The following PGRMC1 variants were observed in gnomAD, a reference collection of about 807,000 sequenced individuals.
The protein encoded by PGRMC1 is progesterone receptor membrane component 1.
For synonymous variants in PGRMC1, 73 were observed against 77.3 expected (o/e 0.94, Z 0.29); for missense variants, 145 against 169.0 (o/e 0.86, Z 0.79).
rs1277687237 is a variant in PGRMC1 at position 119,244,039 on chromosome X, T to C, written c.*785T>C. ...ATGGTTATTTGGTTATTTTACTCAATTGGTTACTCTCATTTGAAATGAGGG... is the reference window on the plus strand; with the variant it reads ...ATGGTTATTTGGTTATTTTACTCAACTGGTTACTCTCATTTGAAATGAGGG... On this transcript the variant is annotated 3_prime_UTR_variant, in exon 3 of 3. Transcript: ENST00000217971. 2 of 111,995 alleles carry C rather than the reference T, an allele frequency of 1.8e-5. No individual in the cohort carries two copies. The highest frequency in any genetic ancestry group is 3.8e-5 in the Non-Finnish European group (2 of 53,195). 9.2% of individuals were successfully genotyped at this position (111,995 alleles called of 1,213,427 possible).
rs371178216 is a variant in PGRMC1, at chrX:119,243,284, T to C, written c.*30T>C. On this transcript the variant is annotated 3_prime_UTR_variant, in exon 3 of 3. Transcript: ENST00000217971. ...TTCAGTGGAAGTATATCTATTTTTGTATTTTGCAAAATCATTTGTAACAGT... is the reference window on the plus strand; with the variant it reads ...TTCAGTGGAAGTATATCTATTTTTGCATTTTGCAAAATCATTTGTAACAGT... The C allele has an allele frequency of 4.2e-6, 4 of 946,067 alleles. No homozygotes were observed. In the African/African-American group the frequency reaches 5.7e-5, roughly 14 times the overall value. 78.0% of individuals were successfully genotyped at this position (946,067 alleles called of 1,213,427 possible).
Position 119,243,219 on chromosome X carries a change from G to A in PGRMC1, c.553G>A (p.Glu185Lys), listed in dbSNP as rs1283245437. The stretch of plus-strand genomic sequence containing the variant: ...GCCCACTGTGTACTCAGATGAGGAA[G>A]AACCAAAAGATGAGAGTGCCCGGAA... ...EEPTVYSDEE[E>K]PKDESARKND Residue 185 changes from glutamate to lysine, a missense_variant, in exon 3 of 3, where the codon GAA becomes AAA. Glu to Lys is a moderately conservative substitution (Grantham distance 56, BLOSUM62 1). Coordinates refer to ENST00000217971, the MANE Select transcript of PGRMC1 (RefSeq NM_006667.5). The A allele has an allele frequency of 8.3e-7, 1 of 1,200,726 alleles. No individual in the cohort carries two copies. The highest frequency in any genetic ancestry group is 1.8e-5 in the South Asian group (1 of 56,750).
intron 2 of PGRMC1, among the ~76,000 whole-genome samples, chrX:119,242,509 C>T (rs937040291): frequency 1.8e-5 from 2 of 111,372 alleles, no homozygotes; most frequent in Non-Finnish European, 3.8e-5. Context: ...CTGCCCTATA[C>T]ACCACATTGA....
rs1027019129 is a variant in PGRMC1 at position 119,243,367 on chromosome X, A to G, written c.*113A>G. On this transcript the variant is annotated 3_prime_UTR_variant, in exon 3 of 3. Coordinates refer to ENST00000217971, the MANE Select transcript of PGRMC1 (RefSeq NM_006667.5). ...ATTTAGAAAGTTTTGAGCACTTGCTATAAGTTTTTTAATTAACATCACTAG... is the reference window on the plus strand; with the variant it reads ...ATTTAGAAAGTTTTGAGCACTTGCTGTAAGTTTTTTAATTAACATCACTAG... 5.9e-5 allele frequency: 31 copies of G among 523,505 alleles called. No homozygotes were observed. The highest frequency in any genetic ancestry group is 2.9e-4 in the South Asian group (11 of 37,783). 43.1% of individuals were successfully genotyped at this position (523,505 alleles called of 1,213,427 possible).
At chrX:119,237,848 A>G (rs1348436163) in intron 1 of PGRMC1, among the ~76,000 whole-genome samples, 2 of 110,605 alleles carry the variant, frequency 1.8e-5, no homozygotes, top group Non-Finnish European at 3.8e-5. Context: ...GGAAAAATAC[A>G]GATTCCCAGT....
chrX:119,239,775 G>T (rs2147230295), intron 1 of PGRMC1, among the ~76,000 whole-genome samples: 1 of 112,043 alleles, frequency 8.9e-6, no homozygotes, highest in African/African-American at 3.2e-5. Flanking sequence ...GTTATAAAAT[G>T]GTTCTTCTGC....
intron 1 of PGRMC1, among the ~76,000 whole-genome samples, chrX:119,238,565 T>C (rs763708010): frequency 1.8e-5 from 2 of 112,594 alleles, no homozygotes; most frequent in South Asian, 7.4e-4. Context: ...GCAGAGTCAT[T>C]GAGAGGATGT....
chrX:119,242,506 A>C (rs1930841607), intron 2 of PGRMC1, among the ~76,000 whole-genome samples: 1 of 111,063 alleles, frequency 9.0e-6, no homozygotes, highest in Non-Finnish European at 1.9e-5. Context: ...AATCTGCCCT[A>C]TACACCACAT....
rs201254642 is a variant in PGRMC1 at position 119,243,199 on chromosome X, C to T, written c.533C>T (p.Thr178Ile). The T allele has an allele frequency of 1.0e-4, 121 of 1,204,817 alleles. No individual in the cohort carries two copies. In the East Asian group the frequency reaches 3.4e-3, roughly 34 times the overall value. Residue 178 changes from threonine to isoleucine, a missense_variant, in exon 3 of 3, where the codon ACT (threonine) becomes ATT (isoleucine). Transcript: ENST00000217971. ...GKLLKEGEEP[T>I]VYSDEEEPKD... The stretch of plus-strand genomic sequence containing the variant: ...CTGCTGAAGGAGGGGGAGGAGCCCA[C>T]TGTGTACTCAGATGAGGAAGAACCA...
In PGRMC1 at chrX:119,244,128, C is replaced by G. The variant is rs1930889532; in HGVS notation, c.*874C>G. On this transcript the variant is annotated 3_prime_UTR_variant, in exon 3 of 3. Transcript: ENST00000217971. ...AGAGCCTTCATGCACACCCCTGAAC[C>G]ACGAGGAAACAGTACAGTCGCTAGT... The G allele has an allele frequency of 8.9e-6, 1 of 111,971 alleles. No homozygotes were observed. Among genetic ancestry groups the G allele is most frequent in the African/African-American group, 3.2e-5 (1 of 30,796 alleles). 9.2% of individuals were successfully genotyped at this position (111,971 alleles called of 1,213,427 possible). A position where few individuals can be genotyped will look rare whatever the true frequency, so the allele number is the denominator to read the frequency against.
rs780819414 is a variant in PGRMC1, at chrX:119,244,459, A to G, written c.*1205A>G. 1.5e-3 allele frequency: 166 copies of G among 112,857 alleles called. 1 individual carries two copies. Among genetic ancestry groups the G allele is most frequent in the African/African-American group, 5.1e-3 (159 of 30,996 alleles). 9.3% of individuals were successfully genotyped at this position (112,857 alleles called of 1,213,427 possible). A position where few individuals can be genotyped will look rare whatever the true frequency, so the allele number is the denominator to read the frequency against. On this transcript the variant is annotated 3_prime_UTR_variant, in exon 3 of 3. Coordinates refer to ENST00000217971, the MANE Select transcript of PGRMC1 (RefSeq NM_006667.5). ...TTGGTCAGTTAATAAAAATGGTTTT[A>G]CCCACTATAGTGTGGTGACTTATTT...
chrX:119,240,013 C>T (rs757760759), intron 1 of PGRMC1, among the ~76,000 whole-genome samples: 1 of 112,040 alleles, frequency 8.9e-6, no homozygotes, highest in East Asian at 2.8e-4. Context: ...CTACCACTAC[C>T]CCAAGAGATC....
chrX:119,240,538 T>A, intron 2 of PGRMC1, 74 bp downstream of exon 2: 2 of 886,307 alleles, frequency 2.3e-6, no homozygotes, highest in Non-Finnish European at 3.3e-6. Context: ...CAATAGTTAT[T>A]ACTAAGCAGC....
rs756384166 is a variant in PGRMC1, at chrX:119,236,359, A to C, written c.-5A>C. The C allele has an allele frequency of 2.5e-6, 3 of 1,205,298 alleles. No homozygotes were observed. The highest frequency in any genetic ancestry group is 3.4e-6 in the Non-Finnish European group (3 of 891,522). ...TAGCGCGGCCCAACCTTTACTCCAG[A>C]GATCATGGCTGCCGAGGATGTGGTG... On this transcript the variant is annotated 5_prime_UTR_variant, in exon 1 of 3. Coordinates refer to ENST00000217971, the MANE Select transcript of PGRMC1 (RefSeq NM_006667.5).
intron 2 of PGRMC1, among the ~76,000 whole-genome samples, chrX:119,240,854 A>G (rs986824026): frequency 2.7e-5 from 3 of 112,116 alleles, no homozygotes; most frequent in African/African-American, 9.7e-5. Flanking sequence ...ATCTCTGTTG[A>G]AGAATGGGAG....
chrX:119,239,233 G>A (rs963381680), intron 1 of PGRMC1, among the ~76,000 whole-genome samples: 1 of 111,601 alleles, frequency 9.0e-6, no homozygotes, highest in African/African-American at 3.3e-5. Context: ...TAGTGAATGT[G>A]GCAGCATGTA....
Position 119,240,389 on chromosome X carries a change from G to A in PGRMC1, c.409G>A (p.Asp137Asn). ...TFCLDKEALKDEYDDLSDLTA... is the reference protein window; with the variant it reads ...TFCLDKEALKNEYDDLSDLTA... The stretch of plus-strand genomic sequence containing the variant: ...TTGCCTGGATAAGGAAGCACTGAAG[G>A]ATGAGTACGATGACCTTTCTGACCT... Residue 137 changes from aspartate to asparagine, a missense_variant, in exon 2 of 3, where the codon GAT (aspartate) becomes AAT (asparagine). By Grantham distance (23) the Asp-to-Asn change is conservative. Transcript: ENST00000217971. 2 of 1,205,602 alleles carry A rather than the reference G, an allele frequency of 1.7e-6. No individual in the cohort carries two copies. The highest frequency in any genetic ancestry group is 2.2e-6 in the Non-Finnish European group (2 of 890,019).
At chrX:119,238,631 A>T (rs1023443278) in intron 1 of PGRMC1, among the ~76,000 whole-genome samples, 1 of 112,090 alleles carries the variant, frequency 8.9e-6, no homozygotes, top group Non-Finnish European at 1.9e-5. Context: ...TCTAGTCCTG[A>T]TTGGGTCATG....
chrX:119,238,495 T>C (rs775236463), intron 1 of PGRMC1, among the ~76,000 whole-genome samples: 8 of 112,498 alleles, frequency 7.1e-5, no homozygotes, highest in South Asian at 7.4e-4. Flanking sequence ...CCTGTTAATA[T>C]TGAGCTCAAT....
Sources: gnomAD v4.1 joint callset for allele counts (sites outside exome capture counted in the v4.1 genomes callset) on GRCh38, gnomAD v4.1.1 for gene constraint, MANE v1.5 for transcripts, NCBI Gene and HGNC (gene_info 2026-07-23, HGNC 2026-07-21) for gene names.